The following MTPN variants were observed in gnomAD, a reference collection of about 807,000 sequenced individuals.
The protein encoded by MTPN is myotrophin.
In MTPN, 2 loss-of-function variants were observed where a neutral mutation model predicts 13.5. The observed-to-expected ratio is 0.15, with a 90% CI of 0.06 to 0.47. The LOEUF (loss-of-function observed/expected upper bound fraction) is 0.47, where lower values mean the gene tolerates loss of function less well. MTPN is among the 20% of genes least tolerant of loss of function. The pLI, the probability that MTPN is intolerant of heterozygous loss-of-function variation, is 0.97. For missense variants in MTPN, 79 were observed against 137.9 expected (o/e 0.57, Z 2.14); for synonymous variants, 46 against 51.7 (o/e 0.89, Z 0.48).
chr7:135,956,687 C>T (rs941840922), intron 1 of MTPN, among the ~76,000 whole-genome samples: 1 of 148,184 alleles, frequency 6.7e-6, no homozygotes, highest in Non-Finnish European at 1.5e-5. Flanking sequence ...TGTATATCGT[C>T]CCTTCTTTCT....
In MTPN at chr7:135,935,140, T is replaced by C. The variant is rs1584805620; in HGVS notation, c.271-5128A>G. Reference sequence around the variant, plus strand: ...AGTATGCAGTTCTTGTTTACTTAAGTCTTCAGACCATACTATTAAGATTTC... The same window carrying C: ...AGTATGCAGTTCTTGTTTACTTAAGCCTTCAGACCATACTATTAAGATTTC... On this transcript the variant is annotated intron_variant, in intron 3 of 3. Coordinates refer to ENST00000393085, the MANE Select transcript of MTPN (RefSeq NM_145808.4). 2.0e-5 allele frequency among the ~76,000 whole-genome samples: 3 copies of C among 152,286 alleles called. No individual in the cohort carries two copies. The East Asian group carries it at 5.8e-4, about 29-fold the overall frequency.
At chr7:135,946,769 A>G (rs1799294379) in intron 3 of MTPN, among the ~76,000 whole-genome samples, 1 of 152,192 alleles carries the variant, frequency 6.6e-6, no homozygotes, top group Admixed American at 6.5e-5. Flanking sequence ...ATTCTAAATG[A>G]CACATGATTA....
At chr7:135,973,472 T>C (rs868100424) in intron 1 of MTPN, among the ~76,000 whole-genome samples, 5 of 150,290 alleles carry the variant, frequency 3.3e-5, no homozygotes, top group African/African-American at 1.2e-4. Flanking sequence ...ACAATAGGAA[T>C]AAAAACAGTT....
intron 1 of MTPN, among the ~76,000 whole-genome samples, chr7:135,956,673 G>A (rs1799448115): frequency 6.6e-6 from 1 of 151,792 alleles, no homozygotes; most frequent in African/African-American, 2.4e-5. Flanking sequence ...CCTCACCTAT[G>A]TTCTGTATAT....
chr7:135,969,556 C>T (rs1468305701), intron 1 of MTPN, among the ~76,000 whole-genome samples: 1 of 149,560 alleles, frequency 6.7e-6, no homozygotes, highest in Admixed American at 6.6e-5. Context: ...TGCCTTACTT[C>T]AAAATAAATA....
intron 1 of MTPN, among the ~76,000 whole-genome samples, chr7:135,960,492 G>A (rs1799504006): frequency 6.6e-6 from 1 of 151,940 alleles, no homozygotes; most frequent in Admixed American, 6.6e-5. Context: ...CATCCTAACT[G>A]CTAGCACACC....
intron 1 of MTPN, among the ~76,000 whole-genome samples, chr7:135,957,217 C>T (rs568437934): frequency 1.4e-4 from 22 of 152,102 alleles, no homozygotes; most frequent in African/African-American, 4.6e-4. Flanking sequence ...ACATATGAAA[C>T]ACTACTACTT....
At position 135,927,776 on chromosome 7, in the gene MTPN, G is replaced by A. The variant is rs1342621785; in HGVS notation, c.*2150C>T. 1.1e-5 allele frequency: 5 copies of A among 460,160 alleles called. No individual in the cohort carries two copies. Among genetic ancestry groups the A allele is most frequent in the Non-Finnish European group, 1.8e-5 (4 of 226,144 alleles). The allele number at this position is 460,160 out of a possible 1,614,324, so 28.5% of individuals were successfully genotyped here. Reference sequence around the variant, plus strand: ...AAGGTCGAGAAAGAAAAGCGAAGGCGAAATAGCCTCTACTGCATTACAAGC... The same window carrying A: ...AAGGTCGAGAAAGAAAAGCGAAGGCAAAATAGCCTCTACTGCATTACAAGC... On this transcript the variant is annotated 3_prime_UTR_variant, in exon 4 of 4. Coordinates refer to ENST00000393085, the MANE Select transcript of MTPN (RefSeq NM_145808.4).
At chr7:135,967,511 G>A (rs1328011994) in intron 1 of MTPN, among the ~76,000 whole-genome samples, 6 of 152,132 alleles carry the variant, frequency 3.9e-5, no homozygotes, top group African/African-American at 1.4e-4. Flanking sequence ...CAGGAAAACT[G>A]AATTTAAATT....
intron 3 of MTPN, among the ~76,000 whole-genome samples, chr7:135,933,137 G>A (rs1450552947): frequency 7.0e-6 from 1 of 142,870 alleles, no homozygotes; most frequent in Non-Finnish European, 1.5e-5. Flanking sequence ...AACCAGTTTT[G>A]AAGTAACTGA....
intron 1 of MTPN, among the ~76,000 whole-genome samples, chr7:135,952,075 G>C (rs374291785): frequency 1.1e-4 from 17 of 152,258 alleles, no homozygotes; most frequent in African/African-American, 4.1e-4. Context: ...TAGGTATTAA[G>C]AATTTATTTC....
intron 1 of MTPN, 135 bp downstream of exon 1, chr7:135,976,894 C>T: frequency 2.4e-6 from 2 of 848,352 alleles, no homozygotes; most frequent in East Asian, 5.5e-5. Context: ...GCCCCTCTCT[C>T]CTTGGTGCCG....
At chr7:135,946,116 G>C (rs1163190146) in intron 3 of MTPN, among the ~76,000 whole-genome samples, 1 of 152,150 alleles carries the variant, frequency 6.6e-6, no homozygotes, top group Admixed American at 6.5e-5. Context: ...TACTGTAAAT[G>C]AACTCTGAAC....
At position 135,929,838 on chromosome 7, in the gene MTPN, G is replaced by A. The variant is rs1798988569; in HGVS notation, c.*88C>T. ...CCTCTTAAAGTATTTAGCTGAAGAA[G>A]CTGGCAGATAGAGAGTGACAGACAG... On this transcript the variant is annotated 3_prime_UTR_variant, in exon 4 of 4. Transcript: ENST00000393085. 25 of 1,257,948 alleles carry A rather than the reference G, an allele frequency of 2.0e-5. No individual in the cohort carries two copies. Among genetic ancestry groups the A allele is most frequent in the Non-Finnish European group, 2.7e-5 (23 of 858,322 alleles). The allele number at this position is 1,257,948 out of a possible 1,614,324, so 77.9% of individuals were successfully genotyped here.
chr7:135,966,104 T>C (rs899903210), intron 1 of MTPN, among the ~76,000 whole-genome samples: 3 of 152,076 alleles, frequency 2.0e-5, no homozygotes, highest in Non-Finnish European at 4.4e-5. Context: ...CATTAACAGA[T>C]ATTAAAAGTA....
At position 135,929,914 on chromosome 7, in the gene MTPN, T is replaced by G. The variant is rs750703011; in HGVS notation, c.*12A>C. On this transcript the variant is annotated 3_prime_UTR_variant, in exon 4 of 4. Coordinates refer to ENST00000393085, the MANE Select transcript of MTPN (RefSeq NM_145808.4). ...AGAGTCATTCTTCCGGAGTTATCAG[T>G]CCATCCATCCATCACTGGAGAAGAG... 1 of 1,612,792 alleles carries G rather than the reference T, an allele frequency of 6.2e-7. No homozygotes were observed. The highest frequency in any genetic ancestry group is 1.3e-5 in the African/African-American group (1 of 74,896).
intron 3 of MTPN, among the ~76,000 whole-genome samples, chr7:135,933,886 G>A (rs1036001010): frequency 6.6e-6 from 1 of 152,096 alleles, no homozygotes; most frequent in African/African-American, 2.4e-5. Context: ...ACCCCCTTGT[G>A]CTGTCTTGTG....
intron 3 of MTPN, among the ~76,000 whole-genome samples, chr7:135,934,690 C>T (rs1295939238): frequency 1.3e-5 from 2 of 152,184 alleles, no homozygotes; most frequent in East Asian, 1.9e-4. Context: ...CCTGTAAATG[C>T]CAAGTCTAGT....
At chr7:135,965,153 T>G (rs937007080) in intron 1 of MTPN, among the ~76,000 whole-genome samples, 1 of 152,108 alleles carries the variant, frequency 6.6e-6, no homozygotes, top group East Asian at 1.9e-4. Context: ...TCCTCTAAGA[T>G]CTATACAGAC....
Sources: gnomAD v4.1 joint callset for allele counts (sites outside exome capture counted in the v4.1 genomes callset) on GRCh38, gnomAD v4.1.1 for gene constraint, MANE v1.5 for transcripts, NCBI Gene and HGNC (gene_info 2026-07-23, HGNC 2026-07-21) for gene names.